LRP1B: variants seen among roughly 807,000 people sequenced by gnomAD.
LRP1B encodes the protein LDL receptor related protein 1B, also known as low-density lipoprotein receptor-related protein 1B.
A neutral mutation model predicts 556.6 loss-of-function variants in LRP1B; 217 were observed. That is an observed-to-expected ratio of 0.39 (90% CI 0.35 to 0.44). The LOEUF (loss-of-function observed/expected upper bound fraction) is 0.44. Ranked by LOEUF, LRP1B falls within the 20% of genes least tolerant of loss-of-function variation. LRP1B has a pLI of 1.00. For synonymous variants in LRP1B, 2,047 were observed against 1,865.8 expected, an observed-to-expected ratio of 1.10 and a Z score of -2.50; for missense variants, 5,053 against 5,620.8, an observed-to-expected ratio of 0.90 and a Z score of 3.23.
chr2:141,248,070 C>T (rs116256476), intron 4 of LRP1B, among the ~76,000 whole-genome samples: 6,175 of 152,002 alleles, frequency 0.041, 357 homozygotes, highest in African/African-American at 0.13. Context: ...TAGCCAGGCA[C>T]AATGGTGTGT....
chr2:140,714,508 A>C (rs1420043057), intron 37 of LRP1B, among the ~76,000 whole-genome samples: 1 of 152,168 alleles, frequency 6.6e-6, no homozygotes, highest in African/African-American at 2.4e-5. Flanking sequence ...GACATGTAGC[A>C]GCAAAAGGCT....
chr2:140,723,606 C>A (rs1471763415), intron 35 of LRP1B, among the ~76,000 whole-genome samples: 1 of 152,100 alleles, frequency 6.6e-6, no homozygotes, highest in African/African-American at 2.4e-5. Flanking sequence ...GTGAGATGAA[C>A]TAAGGAGCTT....
In LRP1B at chr2:140,624,443, T is replaced by C. The variant is rs368085981; in HGVS notation, c.6800-22804A>G. On this transcript the variant is annotated intron_variant, in intron 41 of 90. Coordinates refer to ENST00000389484, the MANE Select transcript of LRP1B (RefSeq NM_018557.3). ...ATTTTTCTAGCATCAAATGTAACAC[T>C]AATCCTCAACAATGATTCATCTAGC... Among the ~76,000 whole-genome samples the C allele has an allele frequency of 1.1e-3, 173 of 152,314 alleles. 4 individuals carry two copies. In the South Asian group the frequency reaches 0.033, roughly 29 times the overall value.
intron 2 of LRP1B, among the ~76,000 whole-genome samples, chr2:141,580,244 CATGG>C (rs1305174039): frequency 3.3e-5 from 5 of 152,082 alleles, no homozygotes; most frequent in African/African-American, 1.2e-4. Context: ...AATTACATCA[CATGG>C]ATGGAGTAAA....
chr2:141,340,746 C>T (rs1688027540), intron 3 of LRP1B, among the ~76,000 whole-genome samples: 1 of 152,126 alleles, frequency 6.6e-6, no homozygotes, highest in South Asian at 2.1e-4. Context: ...TTTAAACAGT[C>T]AATACCCCTT....
intron 1 of LRP1B, among the ~76,000 whole-genome samples, chr2:142,109,602 A>G (rs1359861912): frequency 1.3e-5 from 2 of 152,172 alleles, no homozygotes; most frequent in East Asian, 3.8e-4. Flanking sequence ...ATTAAAAATA[A>G]TTTTGAGAAT....
At chr2:140,703,167 C>A (rs2105432785) in intron 37 of LRP1B, among the ~76,000 whole-genome samples, 1 of 152,168 alleles carries the variant, frequency 6.6e-6, no homozygotes, top group Admixed American at 6.6e-5. Flanking sequence ...CTAAATGTAA[C>A]TAATCTAGTT....
chr2:141,992,114 A>G (rs1702361627), intron 1 of LRP1B, among the ~76,000 whole-genome samples: 1 of 152,146 alleles, frequency 6.6e-6, no homozygotes, highest in Non-Finnish European at 1.5e-5. Flanking sequence ...AATGTAATGT[A>G]TATAGTCATT....
intron 19 of LRP1B, 111 bp from the exon 20 acceptor site, chr2:140,950,513 T>A: frequency 8.1e-6 from 7 of 861,230 alleles, no homozygotes; most frequent in Non-Finnish European, 1.1e-5. Context: ...AGACAGAGTC[T>A]TGCTCTGTCA....
intron 2 of LRP1B, among the ~76,000 whole-genome samples, chr2:141,631,970 G>A (rs981071892): frequency 6.6e-6 from 1 of 151,846 alleles, no homozygotes; most frequent in Admixed American, 6.6e-5. Context: ...GGAAAGCAGG[G>A]GCACAATCAT....
chr2:140,796,587 A>G (rs1243022796), intron 32 of LRP1B, among the ~76,000 whole-genome samples: 1 of 152,060 alleles, frequency 6.6e-6, no homozygotes, highest in East Asian at 1.9e-4. Flanking sequence ...TACTTCATAT[A>G]TTGCTGTTAC....
At chr2:140,588,608 A>T (rs1227892535) in intron 43 of LRP1B, among the ~76,000 whole-genome samples, 1 of 152,242 alleles carries the variant, frequency 6.6e-6, no homozygotes, top group African/African-American at 2.4e-5. Flanking sequence ...AGGGAACCCC[A>T]ATATAGACAC....
intron 66 of LRP1B, among the ~76,000 whole-genome samples, chr2:140,389,745 TTA>T (rs71408454): frequency 7.8e-4 from 115 of 147,350 alleles, no homozygotes; most frequent in African/African-American, 2.5e-3. Context: ...ATATATAGTT[TTA>T]TATATATATA....
chr2:140,824,110 C>G (rs917030496), intron 31 of LRP1B, among the ~76,000 whole-genome samples: 5 of 122,414 alleles, frequency 4.1e-5, no homozygotes, highest in African/African-American at 5.5e-5. Flanking sequence ...AAAAAAATAG[C>G]AAAAGGAATT....
rs1469923 is a variant in LRP1B, at chr2:141,722,468, A to G, written c.205+87811T>C. ...TTTGGTGCATAATTTAGAGCACATT[A>G]GTACAACTAATTTACACTAAGCTGA... On this transcript the variant is annotated intron_variant, in intron 2 of 90. Coordinates refer to ENST00000389484, the MANE Select transcript of LRP1B (RefSeq NM_018557.3). Among the ~76,000 whole-genome samples the G allele has an allele frequency of 3.5e-4, 54 of 152,294 alleles. No individual in the cohort carries two copies. The East Asian group carries it at 0.01, about 28-fold the overall frequency.
intron 18 of LRP1B, among the ~76,000 whole-genome samples, chr2:140,965,000 A>G (rs1696159619): frequency 1.3e-5 from 2 of 152,182 alleles, no homozygotes; most frequent in African/African-American, 4.8e-5. Flanking sequence ...GGGATATAAT[A>G]GAGAGATATT....
intron 43 of LRP1B, among the ~76,000 whole-genome samples, chr2:140,556,969 T>C (rs946638470): frequency 6.6e-6 from 1 of 152,082 alleles, no homozygotes; most frequent in Non-Finnish European, 1.5e-5. Context: ...CATCCTAAGA[T>C]ATTTCTTAAT....
At chr2:141,150,553 A>G (rs908672930) in intron 7 of LRP1B, among the ~76,000 whole-genome samples, 5 of 152,218 alleles carry the variant, frequency 3.3e-5, no homozygotes, top group African/African-American at 4.8e-5. Flanking sequence ...TTATAAGTCC[A>G]ATTCATATTT....
At chr2:140,975,015 G>C (rs74509418) in intron 18 of LRP1B, among the ~76,000 whole-genome samples, 4,995 of 152,236 alleles carry the variant, frequency 0.033, 100 homozygotes, top group East Asian at 0.049. Flanking sequence ...AGGCCCAAGG[G>C]ATAGGCCATT....
Sources: allele counts gnomAD v4.1 joint callset (sites outside exome capture counted in the v4.1 genomes callset), GRCh38; gene constraint gnomAD v4.1.1; transcripts MANE v1.5; gene names NCBI Gene and HGNC (gene_info 2026-07-23, HGNC 2026-07-21).